The following DRD2 variants were observed in gnomAD, a reference collection of about 807,000 sequenced individuals.
The protein encoded by DRD2 is dopamine receptor D2, also known as D(2) dopamine receptor.
Under a neutral mutation model 38.0 loss-of-function variants are expected in DRD2, and 8 were observed. That is an observed-to-expected ratio of 0.21 (90% CI 0.12 to 0.38). DRD2 has a LOEUF of 0.38. Among genes scored for constraint, DRD2 ranks in the 10% least tolerant of loss-of-function variants. The pLI, the probability that DRD2 is intolerant of heterozygous loss-of-function variation, is 1.00. For missense variants in DRD2, 403 were observed against 607.7 expected, an observed-to-expected ratio of 0.66 and a Z score of 3.54; for synonymous variants, 230 against 238.6, an observed-to-expected ratio of 0.96 and a Z score of 0.33.
intron 1 of DRD2, among the ~76,000 whole-genome samples, chr11:113,471,375 T>C (rs975188852): frequency 1.3e-5 from 2 of 152,198 alleles, no homozygotes; most frequent in Admixed American, 1.3e-4. Flanking sequence ...ATAAGCAATT[T>C]GTGCATCCTT....
At chr11:113,411,004 G>C (rs553087218) in intron 7 of DRD2, 84 bp from the exon 8 acceptor site, 16 of 1,451,120 alleles carry the variant, frequency 1.1e-5, no homozygotes, top group African/African-American at 2.8e-5. Flanking sequence ...GCCCTGGCTC[G>C]TATGCCAAGA....
In DRD2 at chr11:113,410,891, A is replaced by G. The variant is rs1027955662; in HGVS notation, c.1168T>C (p.Phe390Leu). The change falls in exon 8 of 8, where the codon TTC becomes CTC. Residue 390 changes from phenylalanine to leucine, a missense_variant. Phe to Leu is a conservative substitution (Grantham distance 22, BLOSUM62 0). Coordinates refer to ENST00000362072, the MANE Select transcript of DRD2 (RefSeq NM_000795.4). ...TGTATGTTCAGGATGTGTGTGATGA[A>G]GAAGGGCAGCCAGCAGATGATGAAC... Reference protein sequence around the residue: ...GVFIICWLPFFITHILNIHCD... With the variant: ...GVFIICWLPFLITHILNIHCD... 6.2e-7 allele frequency: 1 copy of G among 1,611,572 alleles called. No homozygotes were observed. Among genetic ancestry groups the G allele is most frequent in the Non-Finnish European group, 8.5e-7 (1 of 1,177,776 alleles).
chr11:113,446,583 C>T (rs1487251150), intron 1 of DRD2, among the ~76,000 whole-genome samples: 2 of 152,196 alleles, frequency 1.3e-5, no homozygotes, highest in Non-Finnish European at 2.9e-5. Context: ...TGTCTAGTTG[C>T]AAAACCTCTG....
In DRD2 at chr11:113,424,624, C is replaced by T; in HGVS notation, c.28G>A (p.Asp10Asn). The T allele has an allele frequency of 1.2e-6, 2 of 1,614,224 alleles. No individual in the cohort carries two copies. Among genetic ancestry groups the T allele is most frequent in the Non-Finnish European group, 1.7e-6 (2 of 1,180,042 alleles). MDPLNLSWY[D>N]DDLERQNWSR... Reference sequence around the variant, plus strand: ...CAGTTCTGCCTCTCCAGATCATCATCATACCAGGACAGATTCAGTGGATCC... The same window carrying T: ...CAGTTCTGCCTCTCCAGATCATCATTATACCAGGACAGATTCAGTGGATCC... The change falls in exon 2 of 8, where the codon GAT becomes AAT. Residue 10 changes from aspartate (D) to asparagine (N), a missense_variant. Physicochemically the swap from Asp to Asn is conservative, Grantham distance 23 (BLOSUM62 1). Coordinates refer to ENST00000362072, the MANE Select transcript of DRD2 (RefSeq NM_000795.4).
chr11:113,413,212 TG>T, intron 6 of DRD2: 1 of 627,272 alleles, frequency 1.6e-6, no homozygotes, highest in Admixed American at 1.9e-5. Flanking sequence ...CAGTGGCTGC[TG>T]GGGTCAAGAG....
chr11:113,412,442 C>G, intron 7 of DRD2, 114 bp downstream of exon 7: 1 of 1,343,042 alleles, frequency 7.4e-7, no homozygotes, highest in African/African-American at 1.4e-5. Context: ...TGGGCTTGGC[C>G]TGTGCCTGAG....
At chr11:113,444,042 G>GTTT (rs1951117869) in intron 1 of DRD2, among the ~76,000 whole-genome samples, 1 of 152,122 alleles carries the variant, frequency 6.6e-6, no homozygotes, top group South Asian at 2.1e-4. Context: ...TGTTGTTGTT[G>GTTT]TTTGTGTTTT....
At chr11:113,473,086 T>C (rs1002499801) in intron 1 of DRD2, among the ~76,000 whole-genome samples, 1 of 152,188 alleles carries the variant, frequency 6.6e-6, no homozygotes, top group African/African-American at 2.4e-5. Context: ...GTATGAAATT[T>C]AGGAATATTT....
At chr11:113,430,122 A>G (rs1950973116) in intron 1 of DRD2, among the ~76,000 whole-genome samples, 1 of 152,134 alleles carries the variant, frequency 6.6e-6, no homozygotes. Flanking sequence ...TGGCTAGATG[A>G]AGGGAGATGG....
intron 1 of DRD2, among the ~76,000 whole-genome samples, chr11:113,471,802 C>T (rs767019560): frequency 6.6e-5 from 10 of 152,162 alleles, no homozygotes; most frequent in Non-Finnish European, 1.5e-4. Flanking sequence ...CTGGCATGAC[C>T]TCTGAGGAGC....
rs574668626 is a variant in DRD2 at position 113,424,657 on chromosome 11, C to T, written c.-6G>A. The T allele has an allele frequency of 2.6e-5, 42 of 1,613,914 alleles. 1 individual carries two copies. The highest frequency in any genetic ancestry group is 2.0e-4 in the East Asian group (9 of 44,880). ...GACAGATTCAGTGGATCCATCAGGG[C>T]GGTGGAGCCACTGGGTGGCCAGGCT... is the stretch of plus-strand genomic sequence containing the variant. On this transcript the variant is annotated 5_prime_UTR_variant, in exon 2 of 8. Transcript: ENST00000362072.
intron 1 of DRD2, among the ~76,000 whole-genome samples, chr11:113,430,752 A>T (rs1950978258): frequency 6.6e-6 from 1 of 152,188 alleles, no homozygotes. Flanking sequence ...TGCTCCAGTT[A>T]CGCTGGGCTG....
At chr11:113,427,191 C>G (rs552923662) in intron 1 of DRD2, among the ~76,000 whole-genome samples, 36 of 152,344 alleles carry the variant, frequency 2.4e-4, no homozygotes, top group African/African-American at 7.9e-4. Context: ...GGCCATACTA[C>G]CTGGAACATG....
intron 2 of DRD2, among the ~76,000 whole-genome samples, chr11:113,423,277 A>T (rs985559472): frequency 7.9e-5 from 10 of 125,800 alleles, no homozygotes; most frequent in East Asian, 1.9e-4. Context: ...GTTTTAATTT[A>T]ATTTTATTTT....
At chr11:113,419,632 T>C (rs548609181) in intron 2 of DRD2, among the ~76,000 whole-genome samples, 2 of 152,112 alleles carry the variant, frequency 1.3e-5, no homozygotes, top group South Asian at 4.1e-4. Flanking sequence ...GACAGGGAGA[T>C]GCACCTTTGG....
intron 1 of DRD2, among the ~76,000 whole-genome samples, chr11:113,454,748 T>C (rs955696696): frequency 6.6e-6 from 1 of 152,210 alleles, no homozygotes; most frequent in Admixed American, 6.5e-5. Flanking sequence ...AAACGTGGTA[T>C]CCACATACAA....
intron 1 of DRD2, among the ~76,000 whole-genome samples, chr11:113,467,551 G>T (rs574417592): frequency 6.6e-6 from 1 of 152,196 alleles, no homozygotes; most frequent in East Asian, 1.9e-4. Flanking sequence ...TTCAATCTGG[G>T]AAAAGAAAAA....
chr11:113,456,778 T>G (rs1416270877), intron 1 of DRD2, among the ~76,000 whole-genome samples: 1 of 152,178 alleles, frequency 6.6e-6, no homozygotes, highest in South Asian at 2.1e-4. Context: ...TGAATGAGTA[T>G]AGAGCTTCAG....
intron 1 of DRD2, among the ~76,000 whole-genome samples, chr11:113,435,108 C>A (rs1396280059): frequency 6.6e-6 from 1 of 152,134 alleles, no homozygotes; most frequent in Non-Finnish European, 1.5e-5. Context: ...CTCTGAGAGG[C>A]CTGAGCAGCA....
Sources: gnomAD v4.1 joint callset for allele counts (sites outside exome capture counted in the v4.1 genomes callset) on GRCh38, gnomAD v4.1.1 for gene constraint, MANE v1.5 for transcripts, NCBI Gene and HGNC (gene_info 2026-07-23, HGNC 2026-07-21) for gene names.